The following GABRB1 variants were observed in gnomAD, a reference collection of about 807,000 sequenced individuals.
The protein encoded by GABRB1 is gamma-aminobutyric acid type A receptor subunit beta1.
Under a neutral mutation model 51.6 loss-of-function variants are expected in GABRB1, and 17 were observed. The observed-to-expected ratio is 0.33, with a 90% CI of 0.23 to 0.49. GABRB1 has a LOEUF of 0.49. Among genes scored for constraint, GABRB1 ranks in the 20% least tolerant of loss-of-function variants. GABRB1 has a pLI of 0.99. For missense variants in GABRB1, 410 were observed against 600.6 expected (o/e 0.68, Z 3.32); for synonymous variants, 247 against 218.9 (o/e 1.13, Z -1.14).
chr4:47,037,785 C>A (rs1485473917), intron 3 of GABRB1, among the ~76,000 whole-genome samples: 11 of 152,110 alleles, frequency 7.2e-5, no homozygotes, highest in Non-Finnish European at 1.6e-4. Flanking sequence ...TAATGCTATA[C>A]AATTCTTACC....
At chr4:47,253,946 A>G (rs1452321104) in intron 4 of GABRB1, among the ~76,000 whole-genome samples, 1 of 152,214 alleles carries the variant, frequency 6.6e-6, no homozygotes, top group Non-Finnish European at 1.5e-5. Flanking sequence ...ATTCCATAAA[A>G]TGGATAACAT....
chr4:47,023,794 C>G (rs1440728330), intron 1 of GABRB1, among the ~76,000 whole-genome samples: 1 of 151,968 alleles, frequency 6.6e-6, no homozygotes, highest in African/African-American at 2.4e-5. Flanking sequence ...TATACACTTG[C>G]TGTGTACCAA....
At chr4:47,092,877 T>A (rs976298217) in intron 3 of GABRB1, among the ~76,000 whole-genome samples, 1 of 152,114 alleles carries the variant, frequency 6.6e-6, no homozygotes, top group Non-Finnish European at 1.5e-5. Context: ...CCTCCCAGAG[T>A]GTTGGGATTA....
At chr4:47,106,362 T>A (rs970178429) in intron 3 of GABRB1, among the ~76,000 whole-genome samples, 2 of 152,030 alleles carry the variant, frequency 1.3e-5, no homozygotes, top group Non-Finnish European at 2.9e-5. Context: ...ATTTATTTCA[T>A]GCCCATCTTT....
chr4:47,154,513 A>C lies in GABRB1; in HGVS notation c.241-6736A>C, dbSNP rs564258861. Among the ~76,000 whole-genome samples, 49 of 151,826 alleles carry C rather than the reference A, an allele frequency of 3.2e-4. 1 individual carries two copies. In the South Asian group the frequency reaches 9.3e-3, roughly 29 times the overall value. ...TTTCTCAGCATACCTCCCTTTTTTCAGTTCAGGGAGGTGGGCTAGATGATT... is the reference window on the plus strand; with the variant it reads ...TTTCTCAGCATACCTCCCTTTTTTCCGTTCAGGGAGGTGGGCTAGATGATT... On this transcript the variant is annotated intron_variant, in intron 3 of 8. Coordinates refer to ENST00000295454, the MANE Select transcript of GABRB1 (RefSeq NM_000812.4).
At chr4:47,164,849 AG>A (rs1718105295) in intron 4 of GABRB1, among the ~76,000 whole-genome samples, 1 of 152,068 alleles carries the variant, frequency 6.6e-6, no homozygotes, top group Admixed American at 6.6e-5. Flanking sequence ...GCACTTCTAG[AG>A]GAACCAGGCT....
At chr4:47,018,383 C>A (rs1000802524) in intron 1 of GABRB1, among the ~76,000 whole-genome samples, 3 of 152,102 alleles carry the variant, frequency 2.0e-5, no homozygotes, top group Non-Finnish European at 4.4e-5. Flanking sequence ...AATCACCTTA[C>A]ATCTAGTCAA....
intron 3 of GABRB1, among the ~76,000 whole-genome samples, chr4:47,104,377 T>C (rs575661346): frequency 6.6e-6 from 1 of 152,086 alleles, no homozygotes; most frequent in Admixed American, 6.6e-5. Flanking sequence ...TTTATTTGTT[T>C]GTTTTTGTAT....
intron 4 of GABRB1, among the ~76,000 whole-genome samples, chr4:47,282,806 G>T (rs902679242): frequency 1.3e-5 from 2 of 152,090 alleles, no homozygotes; most frequent in African/African-American, 4.8e-5. Context: ...ATTAATGTTG[G>T]AACTAGTAAG....
chr4:47,014,930 G>A (rs973674126), intron 1 of GABRB1, among the ~76,000 whole-genome samples: 3 of 151,840 alleles, frequency 2.0e-5, no homozygotes, highest in Non-Finnish European at 4.4e-5. Flanking sequence ...TTATTGAGAC[G>A]GAGTCTCGCC....
At chr4:47,097,052 G>A (rs1367414349) in intron 3 of GABRB1, among the ~76,000 whole-genome samples, 3 of 152,222 alleles carry the variant, frequency 2.0e-5, no homozygotes, top group Non-Finnish European at 4.4e-5. Flanking sequence ...GATTGCCTAC[G>A]TTCCAGTCTC....
chr4:47,174,046 T>A (rs537176267), intron 4 of GABRB1, among the ~76,000 whole-genome samples: 1 of 152,262 alleles, frequency 6.6e-6, no homozygotes, highest in African/African-American at 2.4e-5. Flanking sequence ...TTCCCTTTTT[T>A]GTTTTTTTTG....
intron 3 of GABRB1, among the ~76,000 whole-genome samples, chr4:47,096,755 A>T (rs755142514): frequency 1.3e-5 from 2 of 152,182 alleles, no homozygotes; most frequent in Non-Finnish European, 2.9e-5. Context: ...CAGAGATGTG[A>T]TGTTGCAAAC....
intron 5 of GABRB1, among the ~76,000 whole-genome samples, chr4:47,394,125 G>A (rs925186339): frequency 3.9e-5 from 6 of 152,260 alleles, no homozygotes; most frequent in African/African-American, 1.4e-4. Context: ...AAGTAAGCAC[G>A]CCAGCATCAC....
At chr4:47,248,817 T>C (rs1471598681) in intron 4 of GABRB1, among the ~76,000 whole-genome samples, 1 of 152,040 alleles carries the variant, frequency 6.6e-6, no homozygotes, top group Admixed American at 6.6e-5. Flanking sequence ...GTAGCCTTGA[T>C]TGGTCTTTCG....
chr4:47,157,959 C>A (rs2109731383), intron 3 of GABRB1, among the ~76,000 whole-genome samples: 1 of 152,130 alleles, frequency 6.6e-6, no homozygotes, highest in South Asian at 2.1e-4. Context: ...ACTTCTATAG[C>A]AAATTGGGTA....
At chr4:47,039,776 A>G (rs1725749804) in intron 3 of GABRB1, among the ~76,000 whole-genome samples, 1 of 152,238 alleles carries the variant, frequency 6.6e-6, no homozygotes, top group South Asian at 2.1e-4. Flanking sequence ...TGAAAACAGC[A>G]TGAAGTGTTC....
At chr4:47,345,726 A>G (rs924994562) in intron 5 of GABRB1, among the ~76,000 whole-genome samples, 1 of 152,236 alleles carries the variant, frequency 6.6e-6, no homozygotes, top group African/African-American at 2.4e-5. Flanking sequence ...ACATGATGCC[A>G]CAAGTAGAAA....
chr4:47,157,489 CG>C (rs1419407354), intron 3 of GABRB1, among the ~76,000 whole-genome samples: 1 of 151,832 alleles, frequency 6.6e-6, no homozygotes, highest in Non-Finnish European at 1.5e-5. Flanking sequence ...TATTAAGGGA[CG>C]GATAAAAAAA....
Sources: allele counts gnomAD v4.1 joint callset (sites outside exome capture counted in the v4.1 genomes callset), GRCh38; gene constraint gnomAD v4.1.1; transcripts MANE v1.5; gene names NCBI Gene and HGNC (gene_info 2026-07-23, HGNC 2026-07-21).